Variants in GOLGA4 observed in about 807,000 individuals in gnomAD.
The protein encoded by GOLGA4 is golgin subfamily A member 4.
Under a neutral mutation model 265.9 loss-of-function variants are expected in GOLGA4, and 169 were observed. The observed-to-expected ratio is 0.64, with a 90% CI of 0.56 to 0.72. GOLGA4 has a LOEUF of 0.72. GOLGA4 is among the 30% of genes least tolerant of loss of function. The pLI is 0.00. For synonymous variants in GOLGA4, 923 were observed against 855.8 expected (o/e 1.08, Z -1.37); for missense variants, 2,482 against 2,483.4 (o/e 1.00, Z 0.01).
At chr3:37,251,581 C>A in intron 2 of GOLGA4, 97 bp downstream of exon 2, 1 of 678,324 alleles carries the variant, frequency 1.5e-6, no homozygotes, top group Non-Finnish European at 2.6e-6. Context: ...GACAGGTCAG[C>A]TATTTAATTC....
At chr3:37,328,920 T>A (rs2096981061) in intron 15 of GOLGA4, 43 bp from the exon 16 acceptor site, 2 of 1,484,502 alleles carry the variant, frequency 1.3e-6, no homozygotes, top group East Asian at 4.6e-5. Context: ...TATTAACTCT[T>A]GACTAATGTG....
chr3:37,270,133 AT>A (rs1441273941), intron 2 of GOLGA4, among the ~76,000 whole-genome samples: 3 of 146,606 alleles, frequency 2.0e-5, no homozygotes, highest in Non-Finnish European at 3.0e-5. Flanking sequence ...ACCTCAGGTG[AT>A]CTGCCTGCCT....
chr3:37,349,288 A>T lies in GOLGA4; in HGVS notation c.6576+1992A>T, dbSNP rs76250997. Among the ~76,000 whole-genome samples the T allele has an allele frequency of 3.0e-3, 460 of 152,292 alleles. 1 individual carries two copies. Among genetic ancestry groups the T allele is most frequent in the Non-Finnish European group, 5.4e-3 (365 of 68,020 alleles). ...AGGAAGGGAACTGTTCTCATTAACCATAATGTGATGATGAATGCAGTAAGT... is the reference window on the plus strand; with the variant it reads ...AGGAAGGGAACTGTTCTCATTAACCTTAATGTGATGATGAATGCAGTAAGT... On this transcript the variant is annotated intron_variant, in intron 21 of 23. Transcript: ENST00000361924.
intron 2 of GOLGA4, among the ~76,000 whole-genome samples, chr3:37,280,513 T>C (rs2096831967): frequency 6.6e-6 from 1 of 152,210 alleles, no homozygotes; most frequent in African/African-American, 2.4e-5. Context: ...TATATGCAGA[T>C]ACTCCAAAAT....
chr3:37,333,877 G>A (rs1030603119), intron 16 of GOLGA4, among the ~76,000 whole-genome samples: 6 of 152,258 alleles, frequency 3.9e-5, no homozygotes, highest in Middle Eastern at 3.4e-3. Context: ...TCTAAATGTC[G>A]TATGATTCAT....
At chr3:37,289,659 G>A (rs2096859911) in intron 5 of GOLGA4, among the ~76,000 whole-genome samples, 1 of 152,176 alleles carries the variant, frequency 6.6e-6, no homozygotes, top group African/African-American at 2.4e-5. Flanking sequence ...AGGGGGGTGG[G>A]TAATTTTTCA....
At chr3:37,276,213 A>G in intron 2 of GOLGA4, 2 of 1,567,542 alleles carry the variant, frequency 1.3e-6, no homozygotes, top group East Asian at 2.3e-5. Context: ...CAAATTGAAG[A>G]AGCTATATAT....
intron 22 of GOLGA4, among the ~76,000 whole-genome samples, chr3:37,358,465 A>T (rs768156069): frequency 6.6e-6 from 1 of 152,192 alleles, no homozygotes; most frequent in Admixed American, 6.5e-5. Context: ...ATTACAGAGC[A>T]TAATTACAGT....
chr3:37,276,545 G>A (rs878858019), intron 2 of GOLGA4: 23 of 1,599,520 alleles, frequency 1.4e-5, no homozygotes, highest in East Asian at 1.1e-4. Context: ...TGATGAACCA[G>A]TGACAACATT....
chr3:37,336,258 TGA>T (rs1322157965), intron 17 of GOLGA4, among the ~76,000 whole-genome samples: 1 of 152,196 alleles, frequency 6.6e-6, no homozygotes, highest in Non-Finnish European at 1.5e-5. Flanking sequence ...AGTCATGACT[TGA>T]GTATTCCAGG....
chr3:37,288,770 G>C (rs9864884), intron 4 of GOLGA4, among the ~76,000 whole-genome samples: 2,291 of 152,236 alleles, frequency 0.015, 54 homozygotes, highest in African/African-American at 0.052. Context: ...GAGCCACTGC[G>C]CCCGGCTGGT....
At chr3:37,294,927 T>C in intron 5 of GOLGA4, 52 bp from the exon 6 acceptor site, 1 of 1,226,334 alleles carries the variant, frequency 8.2e-7, no homozygotes, top group Non-Finnish European at 1.2e-6. Flanking sequence ...TTGAAAACTT[T>C]GTATTTTTTG....
chr3:37,347,555 CATA>C lies in GOLGA4; in HGVS notation c.6576+261_6576+263del, dbSNP rs781056582. Among the ~76,000 whole-genome samples, 11 of 152,190 alleles carry C rather than the reference CATA, an allele frequency of 7.2e-5. No individual in the cohort carries two copies. The South Asian group carries it at 2.1e-3, about 29-fold the overall frequency. On this transcript the variant is annotated intron_variant, in intron 21 of 23. Transcript: ENST00000361924. ...ACGCTAAACATTAAAATTTCATTAA[CATA>C]AGAATAATTTGTGAACCATGTGGCT...
At chr3:37,344,226 A>G (rs1015820171) in intron 20 of GOLGA4, among the ~76,000 whole-genome samples, 3 of 152,134 alleles carry the variant, frequency 2.0e-5, no homozygotes, top group Non-Finnish European at 2.9e-5. Context: ...TTCAGCCTCT[A>G]AAGTAGCTGG....
intron 22 of GOLGA4, 90 bp from the exon 23 acceptor site, chr3:37,361,153 T>G (rs1314964232): frequency 1.0e-6 from 1 of 991,332 alleles, no homozygotes; most frequent in Non-Finnish European, 1.6e-6. Context: ...CAGTCTGTAA[T>G]CCTATGAACT....
At chr3:37,257,197 T>A (rs1263442305) in intron 2 of GOLGA4, among the ~76,000 whole-genome samples, 1 of 152,216 alleles carries the variant, frequency 6.6e-6, no homozygotes, top group Admixed American at 6.5e-5. Flanking sequence ...GTCTGACCAC[T>A]TTTACTTAGC....
At position 37,327,713 on chromosome 3, in the gene GOLGA4, G is replaced by C; in HGVS notation, c.5827G>C (p.Gly1943Arg). Reference sequence around the variant, plus strand: ...GGCAGAACGGGAGAAACAGAAACTGGGCAAGGAGATTGTTAGATTGCAGAA... The same window carrying C: ...GGCAGAACGGGAGAAACAGAAACTGCGCAAGGAGATTGTTAGATTGCAGAA... Reference protein sequence around the residue: ...AGAEREKQKLGKEIVRLQKDL... With the variant: ...AGAEREKQKLRKEIVRLQKDL... Residue 1943 changes from glycine (G) to arginine (R), a missense_variant, in exon 14 of 24, where the codon GGC becomes CGC. Gly to Arg is a moderately radical substitution (Grantham distance 125, BLOSUM62 -2). This residue lies in a region of GOLGA4 where 942 missense variants were observed against 983.1 expected (regional missense o/e 0.96). Transcript: ENST00000361924. 6.2e-7 allele frequency: 1 copy of C among 1,613,842 alleles called. No homozygotes were observed. The highest frequency in any genetic ancestry group is 1.3e-5 in the African/African-American group (1 of 75,004).
chr3:37,308,233 C>CA (rs750032403), intron 10 of GOLGA4, among the ~76,000 whole-genome samples: 2,067 of 108,476 alleles, frequency 0.019, 44 homozygotes, highest in African/African-American at 0.059. Context: ...AACTCTGTCT[C>CA]AAAAAAAAAA....
chr3:37,307,528 C>G (rs2096910063), intron 10 of GOLGA4, among the ~76,000 whole-genome samples: 1 of 151,996 alleles, frequency 6.6e-6, no homozygotes, highest in Non-Finnish European at 1.5e-5. Context: ...ATCATGGTGC[C>G]TTTCCCAAGC....
Sources: gnomAD v4.1 joint callset for allele counts (sites outside exome capture counted in the v4.1 genomes callset) on GRCh38, gnomAD v4.1.1 for gene constraint, gnomAD v4.1.1 regional missense constraint, MANE v1.5 for transcripts, NCBI Gene and HGNC (gene_info 2026-07-23, HGNC 2026-07-21) for gene names.